Variants in AGO4 observed in about 807,000 individuals in gnomAD.
AGO4 encodes the protein argonaute RISC component 4.
Under a neutral mutation model 104.7 loss-of-function variants are expected in AGO4, and 33 were observed. The ratio of observed to expected loss-of-function variants is 0.32; its 90% CI spans 0.24 to 0.42. The LOEUF (loss-of-function observed/expected upper bound fraction) is 0.42, where lower values mean the gene tolerates loss of function less well. AGO4 is among the 10% of genes least tolerant of loss of function. The pLI is 1.00. For missense variants in AGO4, 711 were observed against 1,083.4 expected (o/e 0.66, Z 4.83); for synonymous variants, 331 against 364.7 (o/e 0.91, Z 1.05).
At position 35,841,959 on chromosome 1, in the gene AGO4, C is replaced by T. The variant is rs191268160; in HGVS notation, c.2175+209C>T. 1.3e-5 allele frequency among the ~76,000 whole-genome samples: 2 copies of T among 151,552 alleles called. No individual in the cohort carries two copies. The highest frequency in any genetic ancestry group is 2.9e-5 in the Non-Finnish European group (2 of 67,866). On this transcript the variant is annotated intron_variant, in intron 15 of 17. Transcript: ENST00000373210. The surrounding 1 kb of genome is among the most constrained non-coding windows in gnomAD (Gnocchi z 4.7). Reference sequence around the variant, plus strand: ...TTTTGAGACTGAATATTTTATTTCTCTTGTATAACAGAAATGCTGATTTCT... The same window carrying T: ...TTTTGAGACTGAATATTTTATTTCTTTTGTATAACAGAAATGCTGATTTCT...
chr1:35,823,989 A>T (rs908534250), intron 3 of AGO4, among the ~76,000 whole-genome samples: 1 of 152,202 alleles, frequency 6.6e-6, no homozygotes, highest in African/African-American at 2.4e-5. Flanking sequence ...GAGGTTGATT[A>T]TGTCATCTTT....
intron 2 of AGO4, among the ~76,000 whole-genome samples, chr1:35,818,968 A>G (rs1643820778): frequency 6.6e-6 from 1 of 152,216 alleles, no homozygotes. Context: ...GGTAAGGGTG[A>G]AAAGCATGGA....
rs1571319151 is a variant in AGO4 at position 35,853,684 on chromosome 1, C to G, written c.*79C>G. On this transcript the variant is annotated 3_prime_UTR_variant, in exon 18 of 18. Coordinates refer to ENST00000373210, the MANE Select transcript of AGO4 (RefSeq NM_017629.4). ...TTTCAAATGCCTACCGCCTCTAGAT[C>G]GAGCCACGTTGACTTCAGGTGGTCT... 8.1e-7 allele frequency: 1 copy of G among 1,227,724 alleles called. No individual in the cohort carries two copies. The highest frequency in any genetic ancestry group is 1.3e-5 in the South Asian group (1 of 76,742). The allele number at this position is 1,227,724 out of a possible 1,614,324, so 76.1% of individuals were successfully genotyped here.
At chr1:35,848,357 T>G (rs1202745212) in intron 15 of AGO4, among the ~76,000 whole-genome samples, 1 of 152,220 alleles carries the variant, frequency 6.6e-6, no homozygotes, top group Non-Finnish European at 1.5e-5. Flanking sequence ...CAGCTCCTAC[T>G]TATAAGGCAT....
chr1:35,832,691 G>A, intron 11 of AGO4, 121 bp downstream of exon 11: 1 of 1,273,392 alleles, frequency 7.9e-7, no homozygotes, highest in Non-Finnish European at 1.0e-6. Flanking sequence ...ACACCATCTG[G>A]CTATATGAAA....
rs770159182 is a variant in AGO4, at chr1:35,831,792, T to C, written c.997-20T>C. ...TGTGGAACCCTTTACACAAACCAAT[T>C]TCTCTTTGTCTCTTGGCAGGTCTGT... On this transcript the variant is annotated intron_variant, in intron 8 of 17. Transcript: ENST00000373210. 8 of 1,613,796 alleles carry C rather than the reference T, an allele frequency of 5.0e-6. No homozygotes were observed. The highest frequency in any genetic ancestry group is 6.8e-6 in the Non-Finnish European group (8 of 1,179,882).
chr1:35,849,980 G>A (rs1016302976), intron 15 of AGO4, among the ~76,000 whole-genome samples, 177 bp from the exon 16 acceptor site: 2 of 152,062 alleles, frequency 1.3e-5, no homozygotes, highest in African/African-American at 4.8e-5. Flanking sequence ...AAATACTATA[G>A]GTTAAAATGG....
chr1:35,849,686 C>CAA (rs58930702), intron 15 of AGO4, among the ~76,000 whole-genome samples: 1,244 of 73,998 alleles, frequency 0.017, 33 homozygotes, highest in African/African-American at 0.059. Context: ...GACGCTGTCT[C>CAA]AAAAAAAAAA....
At chr1:35,839,519 T>A (rs995419003) in intron 13 of AGO4, among the ~76,000 whole-genome samples, 3 of 152,142 alleles carry the variant, frequency 2.0e-5, no homozygotes. Flanking sequence ...CTGGAAAAAT[T>A]GAGATAATAA....
rs1275321117 is a variant in AGO4, at chr1:35,854,471, C to G, written c.*866C>G. ...ATCTAAATGATTTTTAAACTTTTCT[C>G]ATAGAAACTTAACTTTGGCAATAAA... On this transcript the variant is annotated 3_prime_UTR_variant, in exon 18 of 18. Transcript: ENST00000373210. The G allele has an allele frequency of 2.6e-5, 4 of 152,614 alleles. No individual in the cohort carries two copies. Among genetic ancestry groups the G allele is most frequent in the Admixed American group, 6.5e-5 (1 of 15,276 alleles). The allele number at this position is 152,614 out of a possible 1,614,324, so 9.5% of individuals were successfully genotyped here. A position where few individuals can be genotyped will look rare whatever the true frequency, so the allele number is the denominator to read the frequency against.
chr1:35,816,182 T>C (rs1357219884), intron 1 of AGO4, among the ~76,000 whole-genome samples: 1 of 152,176 alleles, frequency 6.6e-6, no homozygotes, highest in African/African-American at 2.4e-5. Flanking sequence ...TGTGAGAGAT[T>C]AGTAGGTCAT....
intron 15 of AGO4, among the ~76,000 whole-genome samples, chr1:35,842,045 T>C (rs985022600): frequency 1.3e-5 from 2 of 152,102 alleles, no homozygotes; most frequent in African/African-American, 4.8e-5. Flanking sequence ...TGTGATGATA[T>C]AGGCAACCTT....
intron 15 of AGO4, among the ~76,000 whole-genome samples, chr1:35,847,738 G>A (rs1002728192): frequency 6.6e-6 from 1 of 151,904 alleles, no homozygotes; most frequent in Non-Finnish European, 1.5e-5. Flanking sequence ...CTTTAGTACC[G>A]AATACAGTGT....
chr1:35,825,516 A>G, intron 4 of AGO4, 22 bp downstream of exon 4: 2 of 1,601,028 alleles, frequency 1.2e-6, no homozygotes, highest in Non-Finnish European at 1.7e-6. Flanking sequence ...GGTTTGGATT[A>G]TTTCCTACAA....
Position 35,841,829 on chromosome 1 carries a change from T to C in AGO4, c.2175+79T>C. 1 of 846,172 alleles carries C rather than the reference T, an allele frequency of 1.2e-6. No homozygotes were observed. The allele number at this position is 846,172 out of a possible 1,614,324, so 52.4% of individuals were successfully genotyped here. A position where few individuals can be genotyped will look rare whatever the true frequency, so the allele number is the denominator to read the frequency against. ...ATATGCACATATATATATATATATA[T>C]ATATATATACACCATTTTTATACAA... On this transcript the variant is annotated intron_variant, in intron 15 of 17. Coordinates refer to ENST00000373210, the MANE Select transcript of AGO4 (RefSeq NM_017629.4). The surrounding 1 kb of genome is among the most constrained non-coding windows in gnomAD (Gnocchi z 4.7).
chr1:35,850,780 C>CAAA (rs796652586), intron 16 of AGO4, 74 bp from the exon 17 acceptor site: 4,543 of 536,452 alleles, frequency 8.5e-3, no homozygotes, highest in East Asian at 0.038. Context: ...GACTCCATCT[C>CAAA]AAAAAAAAAA....
At position 35,817,844 on chromosome 1, in the gene AGO4, G is replaced by A. The variant is rs527406712; in HGVS notation, c.185+797G>A. On this transcript the variant is annotated intron_variant, in intron 2 of 17. Coordinates refer to ENST00000373210, the MANE Select transcript of AGO4 (RefSeq NM_017629.4). ...TTGTAAACCCATTATTGGCTATTGTGTAACTGAGATCAATAGTAGTAGAAG... is the reference window on the plus strand; with the variant it reads ...TTGTAAACCCATTATTGGCTATTGTATAACTGAGATCAATAGTAGTAGAAG... Among the ~76,000 whole-genome samples the A allele has an allele frequency of 3.3e-5, 5 of 152,288 alleles. No homozygotes were observed. The East Asian group carries it at 9.6e-4, about 29-fold the overall frequency.
chr1:35,849,957 T>C (rs1571313320), intron 15 of AGO4, among the ~76,000 whole-genome samples, 200 bp from the exon 16 acceptor site: 1 of 152,178 alleles, frequency 6.6e-6, no homozygotes, highest in Non-Finnish European at 1.5e-5. Context: ...TCCTGGAACA[T>C]ATTTGTTTGT....
At chr1:35,826,885 G>A (rs2148662310) in intron 7 of AGO4, 50 bp downstream of exon 7, 1 of 1,573,528 alleles carries the variant, frequency 6.4e-7, no homozygotes. Context: ...AGTAACAGAG[G>A]GAGCTACTAT....
Sources: gnomAD v4.1 joint callset for allele counts (sites outside exome capture counted in the v4.1 genomes callset) on GRCh38, gnomAD v4.1.1 for gene constraint, Gnocchi (gnomAD v3.1) non-coding constraint, MANE v1.5 for transcripts, NCBI Gene and HGNC (gene_info 2026-07-23, HGNC 2026-07-21) for gene names.